The following RPRD1B variants were observed in gnomAD, a reference collection of about 807,000 sequenced individuals.
The protein encoded by RPRD1B is regulation of nuclear pre-mRNA domain-containing protein 1B.
A neutral mutation model predicts 41.5 loss-of-function variants in RPRD1B; 11 were observed. The observed-to-expected ratio is 0.27, with a 90% CI of 0.17 to 0.44. RPRD1B has a LOEUF of 0.44. Among genes scored for constraint, RPRD1B ranks in the 20% least tolerant of loss-of-function variants. The pLI is 1.00. For synonymous variants in RPRD1B, 158 were observed against 155.6 expected (o/e 1.02, Z -0.12); for missense variants, 248 against 389.9 (o/e 0.64, Z 3.06).
rs2073963436 is a variant in RPRD1B, at chr20:38,034,043, C to T, written c.96C>T (p.His32=). The change falls in exon 1 of 7, where the codon CAC becomes CAT. Residue 32 remains histidine, a synonymous_variant. Transcript: ENST00000373433. The part of the protein sequence containing the change: ...SVQTLSLWLI[H]HRKHAGPIVS... ...AGACCCTGTCCCTTTGGCTCATCCA[C>T]CACCGCAAGCACGCGGGACCCATCG... is the stretch of plus-strand genomic sequence containing the variant. 1.2e-6 allele frequency: 2 copies of T among 1,614,218 alleles called. No homozygotes were observed. Among genetic ancestry groups the T allele is most frequent in the South Asian group, 2.2e-5 (2 of 91,092 alleles).
In RPRD1B at chr20:38,033,783, G is replaced by C. The variant is rs2073957790; in HGVS notation, c.-165G>C. 2 of 640,676 alleles carry C rather than the reference G, an allele frequency of 3.1e-6. No homozygotes were observed. The highest frequency in any genetic ancestry group is 5.1e-6 in the Non-Finnish European group (2 of 390,280). 39.7% of individuals were successfully genotyped at this position (640,676 alleles called of 1,614,324 possible). A position where few individuals can be genotyped will look rare whatever the true frequency, so the allele number is the denominator to read the frequency against. On this transcript the variant is annotated 5_prime_UTR_variant, in exon 1 of 7. Coordinates refer to ENST00000373433, the MANE Select transcript of RPRD1B (RefSeq NM_021215.4). ...TCTTGTGGCGGCGGCGCGGGCGGCT[G>C]TTACTGCGGAGACCCATCCCCTCCC...
intron 6 of RPRD1B, among the ~76,000 whole-genome samples, chr20:38,068,576 T>G (rs1214957512): frequency 6.6e-6 from 1 of 152,158 alleles, no homozygotes; most frequent in Non-Finnish European, 1.5e-5. Context: ...TTTTTTTTGT[T>G]TTTAGCAGAG....
Position 38,091,580 on chromosome 20 carries a change from T to A in RPRD1B, c.*1705T>A. 1.0e-6 allele frequency: 1 copy of A among 985,468 alleles called. No individual in the cohort carries two copies. The highest frequency in any genetic ancestry group is 1.2e-6 in the Non-Finnish European group (1 of 829,972). The allele number at this position is 985,468 out of a possible 1,614,324, so 61.0% of individuals were successfully genotyped here. A position where few individuals can be genotyped will look rare whatever the true frequency, so the allele number is the denominator to read the frequency against. ...TTCCAGAGGCCATAGGTGACATCAC[T>A]AAAATTGCAAGATAAATTGTAATCT... On this transcript the variant is annotated 3_prime_UTR_variant, in exon 7 of 7. Coordinates refer to ENST00000373433, the MANE Select transcript of RPRD1B (RefSeq NM_021215.4).
At chr20:38,070,397 G>T in intron 6 of RPRD1B, 1 of 985,512 alleles carries the variant, frequency 1.0e-6, no homozygotes, top group Non-Finnish European at 1.2e-6. Context: ...GGAGGTTAGA[G>T]AATGTGGAGG....
intron 6 of RPRD1B, among the ~76,000 whole-genome samples, chr20:38,083,625 G>T (rs530241758): frequency 6.6e-6 from 1 of 152,284 alleles, no homozygotes; most frequent in African/African-American, 2.4e-5. Context: ...TAAGAAGCTC[G>T]CTCCCATTTG....
Position 38,033,924 on chromosome 20 carries a change from C to G in RPRD1B, c.-24C>G, listed in dbSNP as rs1273283139. On this transcript the variant is annotated 5_prime_UTR_variant, in exon 1 of 7. Coordinates refer to ENST00000373433, the MANE Select transcript of RPRD1B (RefSeq NM_021215.4). ...CGCACTGGGCGGCCCAGGCCGCTCC[C>G]TGCCGGGCCTCACTGCCGCCACCAT... 14 of 1,595,890 alleles carry G rather than the reference C, an allele frequency of 8.8e-6. 1 individual carries two copies. In the Admixed American group the frequency reaches 2.2e-4, roughly 25 times the overall value.
intron 6 of RPRD1B, among the ~76,000 whole-genome samples, chr20:38,073,674 C>A (rs1276113528): frequency 6.6e-6 from 1 of 152,114 alleles, no homozygotes; most frequent in African/African-American, 2.4e-5. Flanking sequence ...TTTTTGTCAA[C>A]TTTGGAGTAA....
chr20:38,055,735 T>C (rs1421220340), intron 3 of RPRD1B, among the ~76,000 whole-genome samples: 1 of 152,170 alleles, frequency 6.6e-6, no homozygotes, highest in Non-Finnish European at 1.5e-5. Flanking sequence ...TTATAAAATG[T>C]CGTGGGTGTT....
chr20:38,059,644 C>T, intron 5 of RPRD1B, 124 bp downstream of exon 5: 1 of 905,234 alleles, frequency 1.1e-6, no homozygotes. Context: ...GTTGCTCTAC[C>T]ATCTTGGGAT....
chr20:38,065,998 C>G (rs753399767), intron 5 of RPRD1B, 83 bp from the exon 6 acceptor site: 3 of 1,374,640 alleles, frequency 2.2e-6, no homozygotes, highest in African/African-American at 1.4e-5. Context: ...GGAGAGAAAC[C>G]GTTAACCTCC....
intron 6 of RPRD1B, among the ~76,000 whole-genome samples, chr20:38,085,038 G>A (rs1295735024): frequency 6.6e-6 from 1 of 152,184 alleles, no homozygotes; most frequent in East Asian, 1.9e-4. Context: ...CCGCTGAATG[G>A]AAGGCCCACC....
intron 6 of RPRD1B, among the ~76,000 whole-genome samples, chr20:38,077,633 A>G (rs778453993): frequency 2.0e-5 from 3 of 151,680 alleles, no homozygotes; most frequent in Non-Finnish European, 2.9e-5. Flanking sequence ...CTCCCTCTCA[A>G]TTTTTCATGA....
intron 6 of RPRD1B, 107 bp from the exon 7 acceptor site, chr20:38,089,618 TG>T: frequency 1.2e-6 from 1 of 860,536 alleles, no homozygotes; most frequent in Non-Finnish European, 1.9e-6. Flanking sequence ...GGCAGGCTGG[TG>T]GGGACAAGGA....
chr20:38,039,647 G>A (rs1020961559), intron 1 of RPRD1B, among the ~76,000 whole-genome samples: 3 of 149,566 alleles, frequency 2.0e-5, no homozygotes, highest in Non-Finnish European at 3.0e-5. Flanking sequence ...CAGGTGATCC[G>A]TCCATCTCGG....
intron 6 of RPRD1B, among the ~76,000 whole-genome samples, chr20:38,075,666 C>T (rs751230): frequency 0.018 from 2,807 of 152,308 alleles, 56 homozygotes; most frequent in Non-Finnish European, 0.024. Context: ...GGAAGTTAAT[C>T]TCTGACTTTG....
chr20:38,051,112 T>A (rs1161031378), intron 3 of RPRD1B, among the ~76,000 whole-genome samples: 1 of 152,224 alleles, frequency 6.6e-6, no homozygotes, highest in African/African-American at 2.4e-5. Flanking sequence ...AGAGAATGCA[T>A]GAGCTTAGGA....
rs566899593 is a variant in RPRD1B, at chr20:38,073,056, A to G, written c.831+6800A>G. Among the ~76,000 whole-genome samples the G allele has an allele frequency of 4.3e-4, 66 of 152,352 alleles. 1 individual carries two copies. The highest frequency in any genetic ancestry group is 5.4e-4 in the Non-Finnish European group (37 of 68,036). On this transcript the variant is annotated intron_variant, in intron 6 of 6. Transcript: ENST00000373433. ...ATAGAGTCCAAGGCAGACATCTGGT[A>G]ACTTCATCAGATTTGTACTTTTGTT...
At chr20:38,089,642 C>CGA in intron 6 of RPRD1B, 84 bp from the exon 7 acceptor site, 1 of 1,130,628 alleles carries the variant, frequency 8.8e-7, no homozygotes, top group South Asian at 1.4e-5. Context: ...AACACGAGGA[C>CGA]GAGAGTAGCT....
intron 5 of RPRD1B, among the ~76,000 whole-genome samples, chr20:38,062,320 C>G (rs936682022): frequency 2.6e-5 from 4 of 152,166 alleles, no homozygotes; most frequent in African/African-American, 9.7e-5. Context: ...GGCAGCCATT[C>G]TCACCCAATT....
Sources: allele counts gnomAD v4.1 joint callset (sites outside exome capture counted in the v4.1 genomes callset), GRCh38; gene constraint gnomAD v4.1.1; transcripts MANE v1.5; gene names NCBI Gene and HGNC (gene_info 2026-07-23, HGNC 2026-07-21).